Variants in KMT2C observed in about 807,000 individuals in gnomAD.
KMT2C encodes histone-lysine N-methyltransferase 2C.
Under a neutral mutation model 507.9 loss-of-function variants are expected in KMT2C, and 88 were observed. The observed-to-expected ratio is 0.17, with a 90% CI of 0.15 to 0.21. KMT2C has a LOEUF of 0.21. Among genes scored for constraint, KMT2C ranks in the 10% least tolerant of loss-of-function variants. The pLI is 1.00. For missense variants in KMT2C, 4,954 were observed against 5,957.8 expected (o/e 0.83, Z 5.55); for synonymous variants, 2,049 against 2,080.8 (o/e 0.98, Z 0.42).
rs571899020 is a variant in KMT2C at position 152,177,112 on chromosome 7, T to C, written c.8341A>G (p.Ile2781Val). The change falls in exon 38 of 59, where the codon ATT (isoleucine) becomes GTT (valine). Residue 2781 changes from isoleucine (I) to valine (V), a missense_variant. Physicochemically the swap from Ile to Val is conservative, Grantham distance 29. Around this residue, in one of 29 missense-constraint regions of KMT2C, gnomAD observed 1,689 missense variants for 1,654.3 expected, o/e 1.02. Transcript: ENST00000262189. ...SMFNEELDLPIDDKLDNQCVS... is the reference protein window; with the variant it reads ...SMFNEELDLPVDDKLDNQCVS... Reference sequence around the variant, plus strand: ...CACTGATTATCTAACTTATCATCAATTGGAAGGTCTAGTTCCTCATTAAAC... The same window carrying C: ...CACTGATTATCTAACTTATCATCAACTGGAAGGTCTAGTTCCTCATTAAAC... 15 of 1,613,262 alleles carry C rather than the reference T, an allele frequency of 9.3e-6. No individual in the cohort carries two copies. The African/African-American group carries it at 1.2e-4, about 13-fold the overall frequency.
In KMT2C at chr7:152,377,453, G is replaced by C. The variant is rs113890252; in HGVS notation, c.162-18778C>G. Among the ~76,000 whole-genome samples the C allele has an allele frequency of 3.3e-5, 5 of 152,250 alleles. No individual in the cohort carries two copies. In the South Asian group the frequency reaches 1.0e-3, roughly 32 times the overall value. On this transcript the variant is annotated intron_variant, in intron 1 of 58. Transcript: ENST00000262189. The stretch of plus-strand genomic sequence containing the variant: ...TCTTACTGTTTAAGAAATACATTTC[G>C]GCCAGGTACGGTGGCTCATGCCTGT...
intron 18 of KMT2C, among the ~76,000 whole-genome samples, chr7:152,226,514 G>C (rs1398690705): frequency 2.0e-5 from 3 of 152,100 alleles, no homozygotes; most frequent in African/African-American, 7.2e-5. Context: ...TGACAGGTGT[G>C]AGGCACCACA....
chr7:152,209,581 T>G (rs922028984), intron 23 of KMT2C, among the ~76,000 whole-genome samples: 25 of 150,768 alleles, frequency 1.7e-4, no homozygotes, highest in African/African-American at 6.1e-4. Flanking sequence ...TTTTAAAAGA[T>G]AAAATCAAGC....
At chr7:152,220,445 T>C (rs182255465) in intron 23 of KMT2C, 78 bp downstream of exon 23, 8 of 1,130,288 alleles carry the variant, frequency 7.1e-6, no homozygotes, top group East Asian at 2.4e-5. Flanking sequence ...CTTTGGTAAA[T>C]CATACACATA....
intron 1 of KMT2C, among the ~76,000 whole-genome samples, chr7:152,423,440 A>T (rs1281032731): frequency 6.6e-6 from 1 of 152,226 alleles, no homozygotes; most frequent in East Asian, 1.9e-4. Flanking sequence ...GAAAACATAC[A>T]ATATTTCTTC....
At position 152,162,178 on chromosome 7, in the gene KMT2C, G is replaced by A; in HGVS notation, c.11399C>T (p.Ser3800Leu). The change falls in exon 43 of 59, where the codon TCA (serine) becomes TTA (leucine). Residue 3800 changes from serine (S) to leucine (L), a missense_variant. By Grantham distance (145) the Ser-to-Leu change is moderately radical (BLOSUM62 -2). This residue lies in a region of KMT2C where 801 missense variants were observed against 751.2 expected (regional missense o/e 1.07). Transcript: ENST00000262189. ...LNQKPEGSIC[S>L]EDDCTKDNKL... ...ATTATCCTTTGTACAGTCATCTTCT[G>A]AACAAATACTGCCCTCAGGTTTTTG... The A allele has an allele frequency of 1.9e-6, 3 of 1,611,524 alleles. No individual in the cohort carries two copies. Among genetic ancestry groups the A allele is most frequent in the Non-Finnish European group, 2.5e-6 (3 of 1,179,048 alleles).
chr7:152,182,632 T>G (rs369876954), intron 35 of KMT2C, 38 bp from the exon 36 acceptor site: 2 of 1,501,954 alleles, frequency 1.3e-6, no homozygotes, highest in African/African-American at 2.8e-5. Context: ...CATATTTAGG[T>G]TAAGGAAGAA....
At chr7:152,434,107 C>T (rs957601985) in intron 1 of KMT2C, among the ~76,000 whole-genome samples, 5 of 152,198 alleles carry the variant, frequency 3.3e-5, no homozygotes, top group Admixed American at 1.3e-4. Context: ...GCTTACATGT[C>T]TAAAAATTAC....
chr7:152,366,305 C>A (rs1240357515), intron 1 of KMT2C, among the ~76,000 whole-genome samples: 1 of 152,152 alleles, frequency 6.6e-6, no homozygotes, highest in Non-Finnish European at 1.5e-5. Context: ...ATGTTCACAG[C>A]AGCATTATTC....
chr7:152,205,294 A>C (rs2094273558), intron 24 of KMT2C, 69 bp from the exon 25 acceptor site: 1 of 1,290,620 alleles, frequency 7.7e-7, no homozygotes, highest in Admixed American at 1.9e-5. Flanking sequence ...ACACAGGATA[A>C]AACTGCTTTA....
chr7:152,294,214 C>A (rs766283320), intron 6 of KMT2C, among the ~76,000 whole-genome samples: 1 of 152,142 alleles, frequency 6.6e-6, no homozygotes, highest in Non-Finnish European at 1.5e-5. Context: ...ATTCCAAGGT[C>A]AAATAAATAT....
chr7:152,138,630 G>A lies in KMT2C; in HGVS notation c.14643+166C>T. 1.9e-6 allele frequency: 1 copy of A among 534,844 alleles called. No homozygotes were observed. The highest frequency in any genetic ancestry group is 3.3e-6 in the Non-Finnish European group (1 of 301,590). The allele number at this position is 534,844 out of a possible 1,614,324, so 33.1% of individuals were successfully genotyped here. A position where few individuals can be genotyped will look rare whatever the true frequency, so the allele number is the denominator to read the frequency against. On this transcript the variant is annotated intron_variant, in intron 58 of 58. Transcript: ENST00000262189. This position sits in a 1 kb window ranked among gnomAD's most constrained non-coding sequence, Gnocchi z 4.2. The stretch of plus-strand genomic sequence containing the variant: ...CATGTGGAGGAAGGTGAACTGGAGT[G>A]CCTGAAGGGTGAGATACTGCAGGGT...
rs758931987 is a variant in KMT2C, at chr7:152,154,454, A to G, written c.11961-9T>C. The G allele has an allele frequency of 6.2e-7, 1 of 1,610,036 alleles. No individual in the cohort carries two copies. The highest frequency in any genetic ancestry group is 1.7e-5 in the Admixed American group (1 of 60,014). On this transcript the variant is annotated splice_polypyrimidine_tract_variant and intron_variant, in intron 46 of 58. Coordinates refer to ENST00000262189, the MANE Select transcript of KMT2C (RefSeq NM_170606.3). ...CACAGTGATCCTGTATCCTGAAAAA[A>G]CATAAACACACACATCAAAGTCTGC... is the stretch of plus-strand genomic sequence containing the variant.
chr7:152,369,650 GGTT>G (rs553595065), intron 1 of KMT2C, among the ~76,000 whole-genome samples: 18 of 152,142 alleles, frequency 1.2e-4, no homozygotes, highest in Non-Finnish European at 2.1e-4. Context: ...CACAAGAGTA[GGTT>G]GTTATAAAGT....
intron 1 of KMT2C, among the ~76,000 whole-genome samples, chr7:152,389,928 T>C (rs2097476760): frequency 6.6e-6 from 1 of 152,240 alleles, no homozygotes. Context: ...TACACTCTTT[T>C]TCATCCTCTA....
chr7:152,350,000 G>T (rs550924665), intron 2 of KMT2C, among the ~76,000 whole-genome samples: 1 of 151,984 alleles, frequency 6.6e-6, no homozygotes. Context: ...GCCTATAATC[G>T]CAACACTTTG....
chr7:152,155,763 A>G, intron 46 of KMT2C, 147 bp downstream of exon 46: 2 of 786,842 alleles, frequency 2.5e-6, no homozygotes, highest in South Asian at 4.5e-5. Context: ...TGTCTTATAA[A>G]CTTTAAATCC....
intron 3 of KMT2C, among the ~76,000 whole-genome samples, chr7:152,319,251 T>C (rs191337454): frequency 3.9e-5 from 6 of 152,312 alleles, no homozygotes; most frequent in African/African-American, 9.6e-5. Flanking sequence ...ATATAGATCA[T>C]AGATATGATT....
intron 25 of KMT2C, among the ~76,000 whole-genome samples, chr7:152,203,753 C>G (rs1288712223): frequency 6.6e-6 from 1 of 152,090 alleles, no homozygotes; most frequent in Non-Finnish European, 1.5e-5. Flanking sequence ...AATATGGGCA[C>G]TCTACCACCA....
Sources: gnomAD v4.1 joint callset for allele counts (sites outside exome capture counted in the v4.1 genomes callset) on GRCh38, gnomAD v4.1.1 for gene constraint, gnomAD v4.1.1 regional missense constraint, Gnocchi (gnomAD v3.1) non-coding constraint, MANE v1.5 for transcripts, NCBI Gene and HGNC (gene_info 2026-07-23, HGNC 2026-07-21) for gene names.